The following WIPI2 variants were observed in gnomAD, a reference collection of about 807,000 sequenced individuals.
WIPI2 encodes WD repeat domain phosphoinositide-interacting protein 2.
A neutral mutation model predicts 52.3 loss-of-function variants in WIPI2; 28 were observed. That is an observed-to-expected ratio of 0.54 (90% confidence interval 0.40 to 0.73). The LOEUF is 0.73. Among genes scored for constraint, WIPI2 ranks in the 30% least tolerant of loss-of-function variants. WIPI2 has a pLI of 0.00. For synonymous variants in WIPI2, 268 were observed against 245.0 expected (o/e 1.09, Z -0.88); for missense variants, 506 against 602.9 (o/e 0.84, Z 1.68).
In WIPI2 at chr7:5,231,891, G is replaced by A. The variant is rs956460021; in HGVS notation, c.*944G>A. 10 of 282,592 alleles carry A rather than the reference G, an allele frequency of 3.5e-5. No individual in the cohort carries two copies. Among genetic ancestry groups the A allele is most frequent in the East Asian group, 2.9e-4 (5 of 17,452 alleles). The allele number at this position is 282,592 out of a possible 1,614,324, so 17.5% of individuals were successfully genotyped here. On this transcript the variant is annotated 3_prime_UTR_variant, in exon 13 of 13. Transcript: ENST00000288828. ...TCCTACCTGTGTGAGAGGTCGTAGC[G>A]GGAGACAGCAACAGAGAGTAGGCGG...
In WIPI2 at chr7:5,232,560, G is replaced by C. The variant is rs1783775299; in HGVS notation, c.*1613G>C. ...AAATGGGATCCCGGTCACGCAGGCT[G>C]AGACAGTGGGGACCGCCGAGGCCAG... On this transcript the variant is annotated 3_prime_UTR_variant, in exon 13 of 13. Transcript: ENST00000288828. 1 of 374,632 alleles carries C rather than the reference G, an allele frequency of 2.7e-6. No homozygotes were observed. Among genetic ancestry groups the C allele is most frequent in the Non-Finnish European group, 4.7e-6 (1 of 211,332 alleles). The allele number at this position is 374,632 out of a possible 1,614,324, so 23.2% of individuals were successfully genotyped here.
Position 5,199,608 on chromosome 7 carries a change from A to G in WIPI2, c.161A>G (p.Lys54Arg). Residue 54 changes from lysine (K) to arginine (R), a missense_variant, in exon 3 of 13, where the codon AAA becomes AGA. Lys to Arg is a conservative substitution (Grantham distance 26). This residue lies in a region of WIPI2 where 60 missense variants were observed against 49.7 expected (regional missense o/e 1.21). Coordinates refer to ENST00000288828, the MANE Select transcript of WIPI2 (RefSeq NM_015610.4). ...SLAVGSKSGYKFFSLSSVDKL... is the reference protein window; with the variant it reads ...SLAVGSKSGYRFFSLSSVDKL... ...GCTGTTGGTAGTAAGTCCGGTTATA[A>G]ATTTTTCTCCCTTTCTTCTGTGGAT... is the stretch of plus-strand genomic sequence containing the variant. The G allele has an allele frequency of 6.2e-7, 1 of 1,613,488 alleles. No homozygotes were observed. Among genetic ancestry groups the G allele is most frequent in the Non-Finnish European group, 8.5e-7 (1 of 1,179,868 alleles).
At chr7:5,220,094 C>T (rs1174961064) in intron 7 of WIPI2, among the ~76,000 whole-genome samples, 6 of 152,020 alleles carry the variant, frequency 3.9e-5, no homozygotes, top group Non-Finnish European at 8.8e-5. Context: ...CCTCAGCCTC[C>T]CAAAGTGCTA....
Position 5,233,811 on chromosome 7 carries a change from T to C in WIPI2, c.*2864T>C, listed in dbSNP as rs1389355267. 2.0e-5 allele frequency: 3 copies of C among 152,208 alleles called. No homozygotes were observed. Among genetic ancestry groups the C allele is most frequent in the Non-Finnish European group, 4.4e-5 (3 of 68,048 alleles). The allele number at this position is 152,208 out of a possible 1,614,324, so 9.4% of individuals were successfully genotyped here. A position where few individuals can be genotyped will look rare whatever the true frequency, so the allele number is the denominator to read the frequency against. ...CCAGCGGTGGGCACCCAATAAACGC[T>C]ACAACATAAATGTGTCTTCTGCAAT... On this transcript the variant is annotated 3_prime_UTR_variant, in exon 13 of 13. Transcript: ENST00000288828.
At chr7:5,217,664 G>C (rs1277553489) in intron 6 of WIPI2, 9 of 494,190 alleles carry the variant, frequency 1.8e-5, no homozygotes, top group Non-Finnish European at 3.0e-5. Flanking sequence ...GCGGCGTTCA[G>C]AGCAGTGCTG....
At chr7:5,190,811 C>T (rs1381044405) in intron 1 of WIPI2, 3 of 234,620 alleles carry the variant, frequency 1.3e-5, no homozygotes, top group East Asian at 8.2e-5. Context: ...AACTTTGGGG[C>T]TTGACTTGTC....
intron 1 of WIPI2, among the ~76,000 whole-genome samples, chr7:5,192,798 C>T (rs918606597): frequency 2.0e-5 from 3 of 152,310 alleles, no homozygotes; most frequent in African/African-American, 7.2e-5. Flanking sequence ...CCTTCTTAAT[C>T]TCCAGAATTT....
Position 5,217,113 on chromosome 7 carries a change from AACG to A in WIPI2, c.505_507del (p.Asp169del), listed in dbSNP as rs1264062679. On this transcript the variant is annotated inframe_deletion, in exon 6 of 13. Transcript: ENST00000288828. The stretch of plus-strand genomic sequence containing the variant: ...AGGCCTGTGTGCGCTGTCAATCAAC[AACG>A]ACAACTGCTACTTGGCGTACCCAGG... 3 of 1,613,408 alleles carry A rather than the reference AACG, an allele frequency of 1.9e-6. No homozygotes were observed. Among genetic ancestry groups the A allele is most frequent in the Non-Finnish European group, 2.5e-6 (3 of 1,179,480 alleles).
chr7:5,217,243 G>GA, intron 6 of WIPI2, 56 bp downstream of exon 6: 1 of 1,566,396 alleles, frequency 6.4e-7, no homozygotes, highest in Non-Finnish European at 8.8e-7. Context: ...TTCCTGAAGA[G>GA]GAGCACTGTG....
At chr7:5,216,427 G>A (rs1238282218) in intron 4 of WIPI2, 136 bp from the exon 5 acceptor site, 71 of 687,624 alleles carry the variant, frequency 1.0e-4, no homozygotes, top group Non-Finnish European at 1.2e-4. Context: ...GCGAGACACT[G>A]ACTCCAAAAA....
In WIPI2 at chr7:5,225,835, C is replaced by T. The variant is rs780435426; in HGVS notation, c.753C>T (p.Ile251=). Residue 251 remains isoleucine, a synonymous_variant, in exon 9 of 13, where the codon ATC becomes ATT. Transcript: ENST00000288828. ...TGCGTCTCCCCAGGTGCGTGAGCAT[C>T]TGCTCCCTGGCCTTCAGCATGGACG... ...FRRGVKRCVS[I]CSLAFSMDGM... 1 of 1,612,574 alleles carries T rather than the reference C, an allele frequency of 6.2e-7. No individual in the cohort carries two copies. The highest frequency in any genetic ancestry group is 1.1e-5 in the South Asian group (1 of 90,604).
At chr7:5,197,128 A>AC (rs1202481557) in intron 2 of WIPI2, among the ~76,000 whole-genome samples, 13 of 147,126 alleles carry the variant, frequency 8.8e-5, no homozygotes, top group African/African-American at 3.4e-4. Flanking sequence ...CAAAAAAAAA[A>AC]AAAAAAAAAA....
At chr7:5,221,672 T>C (rs904769013) in intron 7 of WIPI2, among the ~76,000 whole-genome samples, 2 of 152,222 alleles carry the variant, frequency 1.3e-5, no homozygotes, top group African/African-American at 2.4e-5. Context: ...TGATATTAAC[T>C]TGGGGGAAGT....
rs1003665328 is a variant in WIPI2 at position 5,203,621 on chromosome 7, C to T, written c.211+3963C>T. ...GATGGAAGTCACTAAAGTTTACGTT[C>T]AGCCTTTTTTTTTTTTTTTTTTTTT... On this transcript the variant is annotated intron_variant, in intron 3 of 12. Transcript: ENST00000288828. 1.4e-3 allele frequency among the ~76,000 whole-genome samples: 196 copies of T among 137,316 alleles called. 1 individual carries two copies. Among genetic ancestry groups the T allele is most frequent in the African/African-American group, 4.9e-3 (182 of 37,164 alleles). The allele number at this position is 137,316 out of a possible 152,430, so 90.1% of individuals were successfully genotyped here.
intron 3 of WIPI2, among the ~76,000 whole-genome samples, chr7:5,212,338 C>T (rs10261614): frequency 0.11 from 16,856 of 152,144 alleles, 978 homozygotes; most frequent in Middle Eastern, 0.13. Context: ...AGGATGCAAC[C>T]GGGCCAGTGC....
intron 3 of WIPI2, chr7:5,214,210 C>A: frequency 1.6e-6 from 2 of 1,241,026 alleles, no homozygotes; most frequent in Non-Finnish European, 1.0e-6. Flanking sequence ...AGCCCCTAGA[C>A]CTTACTCTTT....
chr7:5,193,429 T>C (rs1781574302), intron 2 of WIPI2: 7 of 1,067,950 alleles, frequency 6.6e-6, no homozygotes, highest in Non-Finnish European at 8.8e-6. Flanking sequence ...CCAAGTCTTG[T>C]GTTTGTAGAA....
At chr7:5,195,822 C>T (rs975718932) in intron 2 of WIPI2, among the ~76,000 whole-genome samples, 1 of 152,018 alleles carries the variant, frequency 6.6e-6, no homozygotes, top group African/African-American at 2.4e-5. Flanking sequence ...AGGTGGATCA[C>T]CAGGTCAGGA....
At chr7:5,213,980 C>T (rs1356962628) in intron 3 of WIPI2, among the ~76,000 whole-genome samples, 2 of 152,214 alleles carry the variant, frequency 1.3e-5, no homozygotes, top group Non-Finnish European at 2.9e-5. Context: ...CCACCGCGCC[C>T]GGCCCCTTCA....
Sources: gnomAD v4.1 joint callset for allele counts (sites outside exome capture counted in the v4.1 genomes callset) on GRCh38, gnomAD v4.1.1 for gene constraint, gnomAD v4.1.1 regional missense constraint, MANE v1.5 for transcripts, NCBI Gene and HGNC (gene_info 2026-07-23, HGNC 2026-07-21) for gene names.